CACNG7: variants seen among roughly 807,000 people sequenced by gnomAD.
The protein encoded by CACNG7 is calcium voltage-gated channel auxiliary subunit gamma 7, also known as voltage-dependent calcium channel gamma-7 subunit.
In CACNG7, 9 loss-of-function variants were observed where a neutral mutation model predicts 26.3. That is an observed-to-expected ratio of 0.34 (90% CI 0.21 to 0.60). CACNG7 has a LOEUF of 0.60. CACNG7 is among the 20% of genes least tolerant of loss of function. The pLI is 0.81. For synonymous variants in CACNG7, 170 were observed against 157.0 expected, an observed-to-expected ratio of 1.08 and a Z score of -0.62; for missense variants, 297 against 380.4, an observed-to-expected ratio of 0.78 and a Z score of 1.82.
chr19:53,934,559 G>A (rs1231001269), intron 4 of CACNG7, among the ~76,000 whole-genome samples: 2 of 151,892 alleles, frequency 1.3e-5, no homozygotes, highest in Non-Finnish European at 2.9e-5. Context: ...AGGATTGCTT[G>A]AGCCTAAGAG....
At chr19:53,927,978 C>G (rs938364279) in intron 4 of CACNG7, among the ~76,000 whole-genome samples, 1 of 151,486 alleles carries the variant, frequency 6.6e-6, no homozygotes, top group African/African-American at 2.4e-5. Context: ...TGACTCTTGC[C>G]TACTGTGCTT....
chr19:53,942,452 AC>A lies in CACNG7; in HGVS notation c.*160del. 1 of 1,476,960 alleles carries A rather than the reference AC, an allele frequency of 6.8e-7. No homozygotes were observed. Among genetic ancestry groups the A allele is most frequent in the Non-Finnish European group, 8.9e-7 (1 of 1,120,604 alleles). 91.5% of individuals were successfully genotyped at this position (1,476,960 alleles called of 1,614,324 possible). A position where few individuals can be genotyped will look rare whatever the true frequency, so the allele number is the denominator to read the frequency against. On this transcript the variant is annotated 3_prime_UTR_variant, in exon 6 of 6. Coordinates refer to ENST00000391767, the MANE Select transcript of CACNG7 (RefSeq NM_031896.5). The surrounding 1 kb of genome is among the most constrained non-coding windows in gnomAD (Gnocchi z 5.9). ...CGCCCTCCTCCCAATGGCTCCGCCC[AC>A]AGACTCCCTTATTTCAATGGCCGCG...
intron 4 of CACNG7, among the ~76,000 whole-genome samples, chr19:53,929,955 A>T (rs4806476): frequency 6.6e-6 from 1 of 151,838 alleles, no homozygotes; most frequent in Admixed American, 6.6e-5. Context: ...GAATAATAAA[A>T]AACAAGGTGG....
At chr19:53,926,324 A>G (rs537700120) in intron 4 of CACNG7, among the ~76,000 whole-genome samples, 1 of 152,058 alleles carries the variant, frequency 6.6e-6, no homozygotes, top group South Asian at 2.1e-4. Flanking sequence ...CTTCAGCCAC[A>G]CTGGCCTCAT....
Position 53,915,348 on chromosome 19 carries a change from C to T in CACNG7, c.284-17C>T. The T allele has an allele frequency of 6.3e-7, 1 of 1,583,036 alleles. No homozygotes were observed. Among genetic ancestry groups the T allele is most frequent in the Non-Finnish European group, 8.7e-7 (1 of 1,152,132 alleles). On this transcript the variant is annotated splice_polypyrimidine_tract_variant and intron_variant, in intron 3 of 5. Coordinates refer to ENST00000391767, the MANE Select transcript of CACNG7 (RefSeq NM_031896.5). ...AGATTCCCCCCTCACCCCTGTCTCT[C>T]CCCATCCCCTCCCCAGAGACAGTGC...
At chr19:53,916,664 T>A (rs898694642) in intron 4 of CACNG7, among the ~76,000 whole-genome samples, 127 of 120,790 alleles carry the variant, frequency 1.1e-3, no homozygotes, top group African/African-American at 6.2e-3. Flanking sequence ...AATTTTCTAT[T>A]TTTTTTTTTT....
rs763476586 is a variant in CACNG7, at chr19:53,912,994, C to A, written c.163C>A (p.His55Asn). ...GACCACCGAGGTCAAGATGGCCCTG[C>A]ACGCCGGCCTCTGGCGAGTCTGCTT... ...NQTTEVKMALHAGLWRVCFFA... is the reference protein window; with the variant it reads ...NQTTEVKMALNAGLWRVCFFA... The change falls in exon 2 of 6, where the codon CAC (histidine) becomes AAC (asparagine). Residue 55 changes from histidine (H) to asparagine (N), a missense_variant. His to Asn is a moderately conservative substitution (Grantham distance 68, BLOSUM62 1). Coordinates refer to ENST00000391767, the MANE Select transcript of CACNG7 (RefSeq NM_031896.5). The surrounding 1 kb of genome is among the most constrained non-coding windows in gnomAD (Gnocchi z 4.6). 1.9e-6 allele frequency: 3 copies of A among 1,612,910 alleles called. No homozygotes were observed. Among genetic ancestry groups the A allele is most frequent in the Non-Finnish European group, 8.5e-7 (1 of 1,179,120 alleles).
At position 53,915,355 on chromosome 19, in the gene CACNG7, C is replaced by T; in HGVS notation, c.284-10C>T. 1 of 1,605,274 alleles carries T rather than the reference C, an allele frequency of 6.2e-7. No homozygotes were observed. The highest frequency in any genetic ancestry group is 8.5e-7 in the Non-Finnish European group (1 of 1,172,020). On this transcript the variant is annotated splice_polypyrimidine_tract_variant and intron_variant, in intron 3 of 5. Coordinates refer to ENST00000391767, the MANE Select transcript of CACNG7 (RefSeq NM_031896.5). The stretch of plus-strand genomic sequence containing the variant: ...CCCCTCACCCCTGTCTCTCCCCATC[C>T]CCTCCCCAGAGACAGTGCGCACGGC...
intron 4 of CACNG7, among the ~76,000 whole-genome samples, chr19:53,921,405 TC>T (rs1277440635): frequency 5.1e-5 from 7 of 137,798 alleles, no homozygotes; most frequent in South Asian, 2.4e-4. Context: ...CCAGGTCTGG[TC>T]ATTGGTGGAG....
At chr19:53,919,050 G>A (rs2068917198) in intron 4 of CACNG7, among the ~76,000 whole-genome samples, 4 of 152,204 alleles carry the variant, frequency 2.6e-5, no homozygotes, top group Admixed American at 1.3e-4. Flanking sequence ...AATTGCAGGC[G>A]TGAGCCACCG....
chr19:53,930,167 A>G (rs2069061515), intron 4 of CACNG7, among the ~76,000 whole-genome samples: 1 of 150,108 alleles, frequency 6.7e-6, no homozygotes. Context: ...AGGTTTTTAA[A>G]TGTTTTTCTC....
chr19:53,934,856 C>T (rs937442214), intron 4 of CACNG7, among the ~76,000 whole-genome samples: 2 of 151,868 alleles, frequency 1.3e-5, no homozygotes, highest in African/African-American at 4.8e-5. Flanking sequence ...TTGGGATACT[C>T]GTATTTTACA....
At chr19:53,913,495 C>T (rs2068873678) in intron 2 of CACNG7, among the ~76,000 whole-genome samples, 1 of 151,574 alleles carries the variant, frequency 6.6e-6, no homozygotes, top group Non-Finnish European at 1.5e-5. Context: ...GGTGGTGCAC[C>T]CCTGTAATCC....
chr19:53,941,326 C>T, intron 4 of CACNG7, 144 bp from the exon 5 acceptor site: 1 of 900,054 alleles, frequency 1.1e-6, no homozygotes, highest in South Asian at 2.3e-5. Flanking sequence ...GCTCCCTGCA[C>T]CCAACCAAGG....
intron 4 of CACNG7, among the ~76,000 whole-genome samples, chr19:53,922,465 G>A (rs2068969101): frequency 8.5e-6 from 1 of 118,030 alleles, no homozygotes; most frequent in Admixed American, 7.6e-5. Flanking sequence ...CTGGTCATTG[G>A]TGGAGTTGCC....
chr19:53,940,267 T>C lies in CACNG7; in HGVS notation c.425-1203T>C, dbSNP rs2145920874. ...GCTCTATTTCCTCAATTGTAAATGGTGTTAAAAATGTACCTCCTTCAAAGA... is the reference window on the plus strand; with the variant it reads ...GCTCTATTTCCTCAATTGTAAATGGCGTTAAAAATGTACCTCCTTCAAAGA... On this transcript the variant is annotated intron_variant, in intron 4 of 5. Coordinates refer to ENST00000391767, the MANE Select transcript of CACNG7 (RefSeq NM_031896.5). The surrounding 1 kb of genome is among the most constrained non-coding windows in gnomAD (Gnocchi z 4.1). Among the ~76,000 whole-genome samples, 1 of 152,282 alleles carries C rather than the reference T, an allele frequency of 6.6e-6. No homozygotes were observed. The highest frequency in any genetic ancestry group is 2.1e-4 in the South Asian group (1 of 4,818).
At chr19:53,928,092 A>G (rs2069045721) in intron 4 of CACNG7, among the ~76,000 whole-genome samples, 1 of 152,048 alleles carries the variant, frequency 6.6e-6, no homozygotes, top group African/African-American at 2.4e-5. Context: ...GAGAAAGGGA[A>G]AATAAGGTTA....
chr19:53,941,324 C>T (rs1056033239), intron 4 of CACNG7, 146 bp from the exon 5 acceptor site: 10 of 849,882 alleles, frequency 1.2e-5, no homozygotes, highest in Non-Finnish European at 1.7e-5. Context: ...GGGCTCCCTG[C>T]ACCCAACCAA....
chr19:53,937,576 TCCCTCCCCTCCCCTC>T (rs149624132), intron 4 of CACNG7, among the ~76,000 whole-genome samples: 1 of 79,942 alleles, frequency 1.3e-5, no homozygotes, highest in Admixed American at 1.5e-4. Flanking sequence ...CCCCTTCCCT[TCCCTCCCCTCCCCTC>T]CCCTCCCCTC....
Sources: gnomAD v4.1 joint callset for allele counts (sites outside exome capture counted in the v4.1 genomes callset) on GRCh38, gnomAD v4.1.1 for gene constraint, Gnocchi (gnomAD v3.1) non-coding constraint, MANE v1.5 for transcripts, NCBI Gene and HGNC (gene_info 2026-07-23, HGNC 2026-07-21) for gene names.